Variants in HIVEP3 observed in about 807,000 individuals in gnomAD.
HIVEP3 encodes the protein transcription factor HIVEP3.
HIVEP3 carries 49 observed loss-of-function variants against 152.8 expected under a neutral mutation model. The ratio of observed to expected loss-of-function variants is 0.32; its 90% CI spans 0.26 to 0.41. The LOEUF (loss-of-function observed/expected upper bound fraction) is 0.41. Among genes scored for constraint, HIVEP3 ranks in the 10% least tolerant of loss-of-function variants. The pLI is 1.00. For missense variants in HIVEP3, 2,790 were observed against 3,103.3 expected (o/e 0.90, Z 2.40); for synonymous variants, 1,269 against 1,289.0 (o/e 0.98, Z 0.33).
intron 1 of HIVEP3, among the ~76,000 whole-genome samples, chr1:41,930,684 T>G (rs548721800): frequency 1.3e-5 from 2 of 152,296 alleles, no homozygotes; most frequent in Non-Finnish European, 2.9e-5. Flanking sequence ...TATAAGAAAC[T>G]GCCAAACTAC....
At chr1:41,689,018 C>G (rs1187282289) in intron 2 of HIVEP3, among the ~76,000 whole-genome samples, 1 of 152,168 alleles carries the variant, frequency 6.6e-6, no homozygotes, top group African/African-American at 2.4e-5. Context: ...ACTGTATTTC[C>G]AACTTCTAAA....
intron 1 of HIVEP3, among the ~76,000 whole-genome samples, chr1:41,832,700 T>A (rs1643000284): frequency 6.6e-6 from 1 of 152,214 alleles, no homozygotes; most frequent in Admixed American, 6.5e-5. Context: ...TTAGTAAGTG[T>A]TCAAAGTGCC....
At chr1:41,957,863 G>GA (rs1645148137) in intron 1 of HIVEP3, among the ~76,000 whole-genome samples, 1 of 152,162 alleles carries the variant, frequency 6.6e-6, no homozygotes, top group Non-Finnish European at 1.5e-5. Context: ...AGGCTATTTT[G>GA]AAAAGCTAAA....
intron 3 of HIVEP3, among the ~76,000 whole-genome samples, chr1:41,610,554 C>G (rs183425967): frequency 6.3e-4 from 96 of 152,266 alleles, no homozygotes; most frequent in African/African-American, 2.3e-3. Context: ...CAGAGAGGGA[C>G]GGTTCCTGCA....
intron 5 of HIVEP3, among the ~76,000 whole-genome samples, chr1:41,571,159 T>G (rs1553229419): frequency 6.6e-6 from 1 of 152,108 alleles, no homozygotes; most frequent in Non-Finnish European, 1.5e-5. Flanking sequence ...ATCATTCCCT[T>G]CGGACATAAG....
intron 1 of HIVEP3, among the ~76,000 whole-genome samples, chr1:41,710,889 C>T (rs946277414): frequency 6.6e-6 from 1 of 152,224 alleles, no homozygotes; most frequent in African/African-American, 2.4e-5. Context: ...TGGATTACTC[C>T]ACTGACTCCC....
intron 7 of HIVEP3, among the ~76,000 whole-genome samples, chr1:41,514,253 T>G (rs540030627): frequency 6.6e-6 from 1 of 152,186 alleles, no homozygotes; most frequent in Non-Finnish European, 1.5e-5. Flanking sequence ...CTTTGTCGAA[T>G]GAATGTGATG....
intron 1 of HIVEP3, among the ~76,000 whole-genome samples, chr1:41,992,253 T>C (rs937211930): frequency 1.1e-4 from 16 of 152,172 alleles, no homozygotes; most frequent in South Asian, 2.1e-4. Context: ...GAAAACCCCA[T>C]TGACTCAGCC....
At chr1:41,810,788 T>C (rs573053459) in intron 1 of HIVEP3, among the ~76,000 whole-genome samples, 7 of 152,388 alleles carry the variant, frequency 4.6e-5, no homozygotes, top group Non-Finnish European at 8.8e-5. Context: ...TTCACTGTTG[T>C]ACCTCATTTT....
intron 2 of HIVEP3, among the ~76,000 whole-genome samples, chr1:41,686,158 A>G (rs920566443): frequency 5.3e-5 from 8 of 151,516 alleles, no homozygotes; most frequent in Non-Finnish European, 1.0e-4. Context: ...TACAACCTCT[A>G]CCTCCTGGGT....
At chr1:41,984,875 T>C (rs1283191980) in intron 1 of HIVEP3, among the ~76,000 whole-genome samples, 1 of 152,072 alleles carries the variant, frequency 6.6e-6, no homozygotes, top group African/African-American at 2.4e-5. Flanking sequence ...TCTAGGGGCA[T>C]ATAATCTTAT....
chr1:41,812,338 G>A (rs1355272072), intron 1 of HIVEP3, among the ~76,000 whole-genome samples: 1 of 152,222 alleles, frequency 6.6e-6, no homozygotes, highest in Non-Finnish European at 1.5e-5. Context: ...TGGGGAGGCT[G>A]AGGAGGGAGG....
chr1:41,732,736 C>T (rs191032916), intron 1 of HIVEP3, among the ~76,000 whole-genome samples: 23 of 152,272 alleles, frequency 1.5e-4, no homozygotes, highest in Non-Finnish European at 2.5e-4. Context: ...TGGACCGCGA[C>T]GCTCTATCCC....
In HIVEP3 at chr1:41,513,585, G is replaced by A. The variant is rs1419762950; in HGVS notation, c.5636C>T (p.Ser1879Leu). 8 of 1,613,420 alleles carry A rather than the reference G, an allele frequency of 5.0e-6. No homozygotes were observed. The highest frequency in any genetic ancestry group is 6.8e-6 in the Non-Finnish European group (8 of 1,179,912). The change falls in exon 8 of 9, where the codon TCA (serine) becomes TTA (leucine). Residue 1879 changes from serine (S) to leucine (L), a missense_variant. By Grantham distance (145) the Ser-to-Leu change is moderately radical. Coordinates refer to ENST00000372583, the MANE Select transcript of HIVEP3 (RefSeq NM_024503.5). Reference sequence around the variant, plus strand: ...TGGTGGGCCAGGCGGGGGCGCCTCTGAGGATGGTCTGGACAGCTCATCCTG... The same window carrying A: ...TGGTGGGCCAGGCGGGGGCGCCTCTAAGGATGGTCTGGACAGCTCATCCTG... The part of the protein sequence containing the change: ...ESQDELSRPS[S>L]EAPPPGPPHA...
chr1:42,014,338 G>A (rs1302339588), intron 1 of HIVEP3, among the ~76,000 whole-genome samples: 2 of 152,100 alleles, frequency 1.3e-5, no homozygotes, highest in African/African-American at 2.4e-5. Flanking sequence ...AGAGTTCGGG[G>A]AAAGGAGAAA....
intron 1 of HIVEP3, among the ~76,000 whole-genome samples, chr1:41,822,580 G>C (rs1642638993): frequency 6.6e-6 from 1 of 152,214 alleles, no homozygotes; most frequent in Non-Finnish European, 1.5e-5. Context: ...TTCTGGCCTA[G>C]GTCTCAGGAT....
intron 3 of HIVEP3, among the ~76,000 whole-genome samples, chr1:41,623,273 T>C (rs986474885): frequency 2.0e-5 from 3 of 152,180 alleles, no homozygotes; most frequent in Non-Finnish European, 4.4e-5. Context: ...TTCCTACCTG[T>C]CCCGTTTTGC....
rs191439552 is a variant in HIVEP3, at chr1:41,853,115, C to T, written c.-801+65298G>A. 1.6e-4 allele frequency among the ~76,000 whole-genome samples: 25 copies of T among 152,306 alleles called. No homozygotes were observed. In the East Asian group the frequency reaches 4.6e-3, roughly 28 times the overall value. On this transcript the variant is annotated intron_variant, in intron 1 of 8. Coordinates refer to ENST00000372583, the MANE Select transcript of HIVEP3 (RefSeq NM_024503.5). ...GAGGTCTTCTTCAAGAAAACAGAGA[C>T]TGGCCCAGCTCTCTTCTGGCTCCAA... is the stretch of plus-strand genomic sequence containing the variant.
At chr1:41,955,266 C>A (rs1474755409) in intron 1 of HIVEP3, among the ~76,000 whole-genome samples, 1 of 151,400 alleles carries the variant, frequency 6.6e-6, no homozygotes, top group Non-Finnish European at 1.5e-5. Flanking sequence ...GGGGTGGGAG[C>A]CGTTTTAGAA....
Sources: allele counts gnomAD v4.1 joint callset (sites outside exome capture counted in the v4.1 genomes callset), GRCh38; gene constraint gnomAD v4.1.1; transcripts MANE v1.5; gene names NCBI Gene and HGNC (gene_info 2026-07-23, HGNC 2026-07-21).